The following ATRNL1 variants were observed in gnomAD, a reference collection of about 807,000 sequenced individuals.
ATRNL1 encodes the protein attractin-like protein 1.
A neutral mutation model predicts 182.7 loss-of-function variants in ATRNL1; 95 were observed. The observed-to-expected ratio is 0.52, with a 90% CI of 0.44 to 0.62. ATRNL1 has a LOEUF of 0.62. Among genes scored for constraint, ATRNL1 ranks in the 20% least tolerant of loss-of-function variants. ATRNL1 has a pLI of 0.00. For synonymous variants in ATRNL1, 576 were observed against 568.3 expected (o/e 1.01, Z -0.19); for missense variants, 1,471 against 1,679.5 (o/e 0.88, Z 2.17).
intron 19 of ATRNL1, among the ~76,000 whole-genome samples, chr10:115,342,338 T>A (rs1554938617): frequency 6.6e-6 from 1 of 152,044 alleles, no homozygotes; most frequent in Non-Finnish European, 1.5e-5. Context: ...AGTTTTTATT[T>A]TTTGTGTATC....
chr10:115,746,674 TTC>T (rs2134109445), intron 27 of ATRNL1, among the ~76,000 whole-genome samples: 1 of 152,184 alleles, frequency 6.6e-6, no homozygotes, highest in East Asian at 1.9e-4. Context: ...GATCTAATTT[TTC>T]TCACTGGGAA....
At chr10:115,867,831 G>A (rs943101566) in intron 28 of ATRNL1, among the ~76,000 whole-genome samples, 7 of 151,214 alleles carry the variant, frequency 4.6e-5, no homozygotes, top group Admixed American at 2.0e-4. Context: ...TCCACCTCCC[G>A]GTTCAAGTGA....
intron 18 of ATRNL1, among the ~76,000 whole-genome samples, chr10:115,323,591 T>C (rs1031305857): frequency 3.3e-5 from 5 of 150,104 alleles, no homozygotes; most frequent in Admixed American, 6.6e-5. Context: ...ATTACAGGCA[T>C]GTGCCACCAC....
At chr10:115,801,429 T>C (rs1949789871) in intron 27 of ATRNL1, among the ~76,000 whole-genome samples, 1 of 152,248 alleles carries the variant, frequency 6.6e-6, no homozygotes, top group South Asian at 2.1e-4. Context: ...TAAAAAGTTC[T>C]GAAATTTCAG....
chr10:115,773,397 A>G (rs1555076964), intron 27 of ATRNL1, among the ~76,000 whole-genome samples: 2 of 152,176 alleles, frequency 1.3e-5, no homozygotes, highest in African/African-American at 4.8e-5. Flanking sequence ...TTGCTTTGGG[A>G]AGTTCAGGCC....
At chr10:115,132,800 T>A (rs1379509553) in intron 5 of ATRNL1, among the ~76,000 whole-genome samples, 1 of 152,234 alleles carries the variant, frequency 6.6e-6, no homozygotes, top group Non-Finnish European at 1.5e-5. Flanking sequence ...CCTGTAAATT[T>A]GTTGGAGTTC....
intron 27 of ATRNL1, among the ~76,000 whole-genome samples, chr10:115,826,227 C>T (rs1231776783): frequency 6.6e-6 from 1 of 151,826 alleles, no homozygotes; most frequent in Non-Finnish European, 1.5e-5. Flanking sequence ...CTGTTTCCCT[C>T]TGAATTTCTC....
intron 28 of ATRNL1, among the ~76,000 whole-genome samples, chr10:115,853,933 T>C (rs1951115842): frequency 6.6e-6 from 1 of 152,186 alleles, no homozygotes; most frequent in African/African-American, 2.4e-5. Flanking sequence ...GAAGAAACTA[T>C]TTTACCTTGT....
chr10:115,247,232 G>A (rs1554904292), intron 10 of ATRNL1, among the ~76,000 whole-genome samples: 1 of 152,066 alleles, frequency 6.6e-6, no homozygotes, highest in Non-Finnish European at 1.5e-5. Flanking sequence ...CCTCCAGAAG[G>A]GGAGAAAATA....
intron 26 of ATRNL1, among the ~76,000 whole-genome samples, chr10:115,560,089 A>C: frequency 6.6e-6 from 1 of 152,242 alleles, no homozygotes; most frequent in East Asian, 1.9e-4. Context: ...ATACATTAGC[A>C]ATGAAAAACC....
Position 115,392,947 on chromosome 10 carries a change from C to T in ATRNL1, c.3176-1712C>T, listed in dbSNP as rs782347166. 7.2e-5 allele frequency among the ~76,000 whole-genome samples: 11 copies of T among 152,168 alleles called. No individual in the cohort carries two copies. The East Asian group carries it at 7.7e-4, about 11-fold the overall frequency. On this transcript the variant is annotated intron_variant, in intron 19 of 28. Transcript: ENST00000355044. ...AAAGTAACTGTTTCTATTTGTCCTT[C>T]CACCTCAGTTAAATAGCCATAGCTG... is the stretch of plus-strand genomic sequence containing the variant.
intron 19 of ATRNL1, among the ~76,000 whole-genome samples, chr10:115,349,374 A>G (rs1393467050): frequency 6.6e-5 from 10 of 152,222 alleles, no homozygotes; most frequent in African/African-American, 2.4e-4. Flanking sequence ...ATGGACACCT[A>G]GGTGGATTCC....
chr10:115,463,992 A>T (rs1177775043), intron 22 of ATRNL1, among the ~76,000 whole-genome samples: 3 of 152,056 alleles, frequency 2.0e-5, no homozygotes, highest in African/African-American at 7.2e-5. Flanking sequence ...TTATGTCCAG[A>T]TTAGCCACAA....
At chr10:115,443,593 A>G (rs1215228117) in intron 21 of ATRNL1, among the ~76,000 whole-genome samples, 2 of 151,922 alleles carry the variant, frequency 1.3e-5, no homozygotes, top group Non-Finnish European at 2.9e-5. Flanking sequence ...TCCCCCTCCT[A>G]TAAGATAAGG....
At chr10:115,101,911 A>G (rs1177971956) in intron 1 of ATRNL1, among the ~76,000 whole-genome samples, 3 of 152,206 alleles carry the variant, frequency 2.0e-5, no homozygotes, top group African/African-American at 7.2e-5. Context: ...ATCCTTTAAA[A>G]TTTATTGGCC....
intron 24 of ATRNL1, among the ~76,000 whole-genome samples, chr10:115,487,042 T>C (rs1484274618): frequency 1.3e-5 from 2 of 152,192 alleles, no homozygotes; most frequent in Non-Finnish European, 2.9e-5. Context: ...AAAGATCAGA[T>C]GGTTGTAGAT....
chr10:115,858,686 C>T (rs190366785), intron 28 of ATRNL1, among the ~76,000 whole-genome samples: 81 of 152,114 alleles, frequency 5.3e-4, no homozygotes, highest in African/African-American at 1.3e-3. Flanking sequence ...ACATGGACCT[C>T]GGAACTTAAA....
chr10:115,746,559 A>T (rs1401113891), intron 27 of ATRNL1, among the ~76,000 whole-genome samples: 1 of 152,034 alleles, frequency 6.6e-6, no homozygotes, highest in Non-Finnish European at 1.5e-5. Context: ...GGAAGTTGCC[A>T]CTTAACAATA....
intron 23 of ATRNL1, among the ~76,000 whole-genome samples, chr10:115,468,955 A>C (rs1159484127): frequency 6.6e-6 from 1 of 150,764 alleles, no homozygotes; most frequent in African/African-American, 2.4e-5. Context: ...TGCCTAGTAC[A>C]TAGCACTTAA....
Sources: gnomAD v4.1 joint callset for allele counts (sites outside exome capture counted in the v4.1 genomes callset) on GRCh38, gnomAD v4.1.1 for gene constraint, MANE v1.5 for transcripts, NCBI Gene and HGNC (gene_info 2026-07-23, HGNC 2026-07-21) for gene names.